Variants in DPF3 observed in about 807,000 individuals in gnomAD.
DPF3 encodes the protein zinc finger protein DPF3.
A neutral mutation model predicts 56.8 loss-of-function variants in DPF3; 18 were observed. That is an observed-to-expected ratio of 0.32 (90% confidence interval 0.22 to 0.47). DPF3 has a LOEUF of 0.47. Ranked by LOEUF, DPF3 falls within the 20% of genes least tolerant of loss-of-function variation. The pLI is 1.00. For synonymous variants in DPF3, 188 were observed against 180.2 expected (o/e 1.04, Z -0.35); for missense variants, 403 against 488.8 (o/e 0.82, Z 1.65).
chr14:72,863,177 T>TGTGA, intron 1 of DPF3, among the ~76,000 whole-genome samples: 1 of 147,442 alleles, frequency 6.8e-6, no homozygotes, highest in South Asian at 2.2e-4. Context: ...TGTGTGTGTG[T>TGTGA]GTATCCCCAG....
intron 1 of DPF3, among the ~76,000 whole-genome samples, chr14:72,824,902 T>A (rs1883726564): frequency 6.6e-6 from 1 of 151,770 alleles, no homozygotes; most frequent in Non-Finnish European, 1.5e-5. Context: ...TTTTTTTATT[T>A]TTTGAGATGG....
At chr14:72,853,910 G>A (rs535695551) in intron 1 of DPF3, among the ~76,000 whole-genome samples, 3 of 152,298 alleles carry the variant, frequency 2.0e-5, no homozygotes, top group African/African-American at 7.2e-5. Flanking sequence ...AGCTGTATTT[G>A]GCAGGATACT....
chr14:72,753,814 T>G (rs1412497594), intron 2 of DPF3, among the ~76,000 whole-genome samples: 3 of 151,970 alleles, frequency 2.0e-5, no homozygotes, highest in Admixed American at 1.3e-4. Context: ...TTGAGAAGCA[T>G]CGCAAAGAGA....
intron 8 of DPF3, among the ~76,000 whole-genome samples, chr14:72,665,894 A>G (rs1886423826): frequency 6.6e-6 from 1 of 152,244 alleles, no homozygotes; most frequent in Non-Finnish European, 1.5e-5. Context: ...GTAAGTGTAA[A>G]TTATTTCAGA....
rs1056333458 is a variant in DPF3 at position 72,693,328 on chromosome 14, C to T, written c.605-115G>A. ...CCATCCACCCCAGAGCCAGGCTTCC[C>T]TTAAAACTGTCTCCCATCCCAACAT... On this transcript the variant is annotated intron_variant, in intron 6 of 10. Transcript: ENST00000556509. The T allele has an allele frequency of 5.7e-6, 7 of 1,231,908 alleles. No homozygotes were observed. In the East Asian group the frequency reaches 1.8e-4, roughly 32 times the overall value. 76.3% of individuals were successfully genotyped at this position (1,231,908 alleles called of 1,614,324 possible).
At chr14:72,787,870 G>A (rs915361309) in intron 1 of DPF3, among the ~76,000 whole-genome samples, 1 of 152,184 alleles carries the variant, frequency 6.6e-6, no homozygotes, top group African/African-American at 2.4e-5. Flanking sequence ...GGCTGCCTCT[G>A]GTGGCCCGGC....
Position 72,714,498 on chromosome 14 carries a change from G to A in DPF3, c.529C>T (p.Arg177Cys), listed in dbSNP as rs762349851. The part of the protein sequence containing the change: ...KRKNRTRGRA[R>C]GSAGGRRRHD... ...CTCCTCCTGCCCCCTGCAGAGCCGCGAGCCTGGGGAGACATTGGGGTACAG... is the reference window on the plus strand; with the variant it reads ...CTCCTCCTGCCCCCTGCAGAGCCGCAAGCCTGGGGAGACATTGGGGTACAG... The change falls in exon 6 of 11, where the codon CGC becomes TGC. Residue 177 changes from arginine (R) to cysteine (C), a missense_variant. Arg to Cys is a radical substitution (Grantham distance 180, BLOSUM62 -3). Around this residue, in one of 2 missense-constraint regions of DPF3, gnomAD observed 340 missense variants for 374.3 expected, o/e 0.91. Transcript: ENST00000556509. 5.0e-6 allele frequency: 8 copies of A among 1,613,608 alleles called. No individual in the cohort carries two copies. The East Asian group carries it at 6.7e-5, about 13-fold the overall frequency.
Position 72,674,273 on chromosome 14 carries a change from C to T in DPF3, c.838G>A (p.Glu280Lys). 3 of 1,612,676 alleles carry T rather than the reference C, an allele frequency of 1.9e-6. No individual in the cohort carries two copies. Among genetic ancestry groups the T allele is most frequent in the South Asian group, 2.2e-5 (2 of 90,636 alleles). The change falls in exon 8 of 11, where the codon GAG becomes AAG. Residue 280 changes from glutamate (E) to lysine (K), a missense_variant. Around this residue, in one of 2 missense-constraint regions of DPF3, gnomAD observed 340 missense variants for 374.3 expected, o/e 0.91. Coordinates refer to ENST00000556509, the MANE Select transcript of DPF3 (RefSeq NM_001280542.3). The part of the protein sequence containing the change: ...NMNKKSGRPE[E>K]LVSCADCGRS... Reference sequence around the variant, plus strand: ...CCACAGTCTGCGCAGGACACCAGCTCTTCAGGCCGCCCACTCTTCTTGTTC... The same window carrying T: ...CCACAGTCTGCGCAGGACACCAGCTTTTCAGGCCGCCCACTCTTCTTGTTC...
intron 1 of DPF3, among the ~76,000 whole-genome samples, chr14:72,810,889 G>A (rs1883016076): frequency 6.6e-6 from 1 of 152,214 alleles, no homozygotes; most frequent in African/African-American, 2.4e-5. Context: ...GGACTAGTGA[G>A]TTAGTCCATT....
intron 1 of DPF3, among the ~76,000 whole-genome samples, chr14:72,791,524 G>C (rs1264059124): frequency 6.6e-6 from 1 of 152,342 alleles, no homozygotes; most frequent in East Asian, 1.9e-4. Context: ...AGAAAGCAGA[G>C]AGCATCGGGT....
chr14:72,644,441 G>T (rs28461173), intron 8 of DPF3, among the ~76,000 whole-genome samples: 3 of 152,158 alleles, frequency 2.0e-5, no homozygotes, highest in Non-Finnish European at 4.4e-5. Context: ...AATTGATCTC[G>T]CTGCTTACTT....
chr14:72,883,959 C>A (rs1279184734), intron 1 of DPF3, among the ~76,000 whole-genome samples: 1 of 151,400 alleles, frequency 6.6e-6, no homozygotes, highest in Non-Finnish European at 1.5e-5. Context: ...GAAAAAGAAT[C>A]CATTCTTGCC....
chr14:72,739,210 CCAGCCTAGGTGACAGAG>C (rs1373165413), intron 3 of DPF3, among the ~76,000 whole-genome samples: 1 of 151,564 alleles, frequency 6.6e-6, no homozygotes, highest in Non-Finnish European at 1.5e-5. Context: ...CCACTGCGCT[CCAGCCTAGGTGACAGAG>C]TGAGACTCTG....
chr14:72,796,499 T>C (rs1379901106), intron 1 of DPF3, among the ~76,000 whole-genome samples: 1 of 152,120 alleles, frequency 6.6e-6, no homozygotes, highest in Admixed American at 6.5e-5. Context: ...TGAGATTTAT[T>C]TATCACTAAA....
chr14:72,819,655 G>A (rs1883443601), intron 1 of DPF3, among the ~76,000 whole-genome samples: 1 of 152,144 alleles, frequency 6.6e-6, no homozygotes, highest in Non-Finnish European at 1.5e-5. Context: ...GTAGATAGTG[G>A]TCAGGCATGG....
intron 6 of DPF3, among the ~76,000 whole-genome samples, chr14:72,699,741 G>A (rs1194350385): frequency 2.0e-5 from 3 of 152,160 alleles, no homozygotes; most frequent in Non-Finnish European, 4.4e-5. Context: ...AAAGAAAGAT[G>A]AGGAGATTCT....
intron 3 of DPF3, among the ~76,000 whole-genome samples, chr14:72,738,947 A>G (rs1246883443): frequency 6.6e-6 from 1 of 152,140 alleles, no homozygotes; most frequent in Non-Finnish European, 1.5e-5. Flanking sequence ...AAAAGTAAAT[A>G]ATAAAAATGC....
At chr14:72,714,926 G>C (rs1888845046) in intron 5 of DPF3, among the ~76,000 whole-genome samples, 1 of 152,196 alleles carries the variant, frequency 6.6e-6, no homozygotes, top group Non-Finnish European at 1.5e-5. Flanking sequence ...ACACAGCTGA[G>C]GTTGACAACC....
chr14:72,676,826 G>A (rs1035519189), intron 7 of DPF3, among the ~76,000 whole-genome samples: 4 of 152,070 alleles, frequency 2.6e-5, no homozygotes, highest in Admixed American at 6.5e-5. Flanking sequence ...ACCCAATCTC[G>A]GGTGTTTCTT....
Sources: gnomAD v4.1 joint callset for allele counts (sites outside exome capture counted in the v4.1 genomes callset) on GRCh38, gnomAD v4.1.1 for gene constraint, gnomAD v4.1.1 regional missense constraint, MANE v1.5 for transcripts, NCBI Gene and HGNC (gene_info 2026-07-23, HGNC 2026-07-21) for gene names.